DLG2: variants seen among roughly 807,000 people sequenced by gnomAD.
DLG2 encodes disks large homolog 2.
Under a neutral mutation model 132.5 loss-of-function variants are expected in DLG2, and 45 were observed. The ratio of observed to expected loss-of-function variants is 0.34; its 90% CI spans 0.27 to 0.44. DLG2 has a LOEUF of 0.44. Ranked by LOEUF, DLG2 falls within the 20% of genes least tolerant of loss-of-function variation. DLG2 has a pLI of 1.00. For synonymous variants in DLG2, 424 were observed against 419.6 expected, an observed-to-expected ratio of 1.01 and a Z score of -0.13; for missense variants, 1,045 against 1,196.9, an observed-to-expected ratio of 0.87 and a Z score of 1.87.
chr11:83,581,104 A>T (rs2096967613), intron 19 of DLG2, among the ~76,000 whole-genome samples: 1 of 151,650 alleles, frequency 6.6e-6, no homozygotes, highest in African/African-American at 2.4e-5. Flanking sequence ...AAACCTCCAA[A>T]TGAAGAGGGT....
intron 8 of DLG2, among the ~76,000 whole-genome samples, chr11:84,241,053 C>T (rs2097219128): frequency 6.6e-6 from 1 of 152,202 alleles, no homozygotes; most frequent in Non-Finnish European, 1.5e-5. Flanking sequence ...GACCTTTGTA[C>T]TTGCACTTCC....
At chr11:84,447,654 T>C (rs2099039304) in intron 7 of DLG2, among the ~76,000 whole-genome samples, 2 of 152,042 alleles carry the variant, frequency 1.3e-5, no homozygotes, top group Non-Finnish European at 2.9e-5. Context: ...TTTCTTTTTC[T>C]TTTCTAAGTT....
chr11:83,870,923 A>C (rs1375136390), intron 16 of DLG2, among the ~76,000 whole-genome samples: 1 of 152,206 alleles, frequency 6.6e-6, no homozygotes, highest in African/African-American at 2.4e-5. Flanking sequence ...AGGAAATGTC[A>C]TTCTAATAGA....
intron 15 of DLG2, among the ~76,000 whole-genome samples, chr11:83,907,767 A>C (rs1010033254): frequency 6.6e-6 from 1 of 152,160 alleles, no homozygotes; most frequent in African/African-American, 2.4e-5. Flanking sequence ...GTTTATAAGC[A>C]AGCCTGAGTT....
At chr11:84,020,432 G>A (rs1457700940) in intron 11 of DLG2, among the ~76,000 whole-genome samples, 1 of 152,174 alleles carries the variant, frequency 6.6e-6, no homozygotes, top group Non-Finnish European at 1.5e-5. Flanking sequence ...AAATAAAAAT[G>A]AGTCCACTGT....
At chr11:84,079,993 G>A (rs552692151) in intron 10 of DLG2, among the ~76,000 whole-genome samples, 1 of 152,240 alleles carries the variant, frequency 6.6e-6, no homozygotes, top group Non-Finnish European at 1.5e-5. Context: ...GCTAGATTAG[G>A]TCATGCCATT....
chr11:84,401,511 T>C (rs1360043294), intron 7 of DLG2, among the ~76,000 whole-genome samples: 1 of 152,140 alleles, frequency 6.6e-6, no homozygotes, highest in Non-Finnish European at 1.5e-5. Context: ...ATTAAATAAA[T>C]AACTCTCCTT....
At chr11:85,191,166 A>ACG (rs1566987020) in intron 4 of DLG2, among the ~76,000 whole-genome samples, 1 of 122,704 alleles carries the variant, frequency 8.1e-6, no homozygotes, top group East Asian at 3.1e-4. Context: ...ACGCGCGCAC[A>ACG]CACACACACA....
intron 9 of DLG2, among the ~76,000 whole-genome samples, chr11:84,101,877 C>T (rs1224931316): frequency 6.6e-6 from 1 of 152,126 alleles, no homozygotes; most frequent in Admixed American, 6.6e-5. Flanking sequence ...GGAGAGGGTA[C>T]TCAAAACTTT....
intron 6 of DLG2, among the ~76,000 whole-genome samples, chr11:84,708,524 A>T (rs539761100): frequency 2.0e-3 from 298 of 151,848 alleles, no homozygotes; most frequent in African/African-American, 6.9e-3. Context: ...TTTCCTATTT[A>T]TCTACAGCCA....
chr11:83,507,492 T>TAC (rs1181363248), intron 21 of DLG2, among the ~76,000 whole-genome samples: 1 of 146,528 alleles, frequency 6.8e-6, no homozygotes, highest in Non-Finnish European at 1.5e-5. Context: ...TCCATATATA[T>TAC]ACACATATAT....
intron 6 of DLG2, among the ~76,000 whole-genome samples, chr11:84,642,979 A>AT (rs950386592): frequency 2.6e-4 from 40 of 152,168 alleles, no homozygotes; most frequent in Admixed American, 2.6e-3. Context: ...CCTTACCAGT[A>AT]TTTTTTTTCT....
chr11:84,607,640 G>C (rs2099588160), intron 6 of DLG2, among the ~76,000 whole-genome samples: 1 of 151,874 alleles, frequency 6.6e-6, no homozygotes, highest in Non-Finnish European at 1.5e-5. Context: ...CCTACAGTGG[G>C]AAGTGCATGG....
At chr11:84,425,679 C>G (rs2098964116) in intron 7 of DLG2, among the ~76,000 whole-genome samples, 2 of 152,084 alleles carry the variant, frequency 1.3e-5, no homozygotes, top group Non-Finnish European at 2.9e-5. Context: ...ATCCCCTATC[C>G]TTCATAAATT....
intron 6 of DLG2, among the ~76,000 whole-genome samples, chr11:84,591,412 A>T (rs2099543050): frequency 6.6e-6 from 1 of 151,810 alleles, no homozygotes; most frequent in African/African-American, 2.4e-5. Context: ...CATGCCTGTA[A>T]TCCCAGGACT....
chr11:84,548,561 T>C (rs2099395330), intron 6 of DLG2, among the ~76,000 whole-genome samples: 1 of 152,084 alleles, frequency 6.6e-6, no homozygotes, highest in Non-Finnish European at 1.5e-5. Flanking sequence ...GATAGTTTGC[T>C]GAGAATGATG....
intron 4 of DLG2, among the ~76,000 whole-genome samples, chr11:85,277,781 C>G (rs1047648222): frequency 6.6e-6 from 1 of 152,258 alleles, no homozygotes; most frequent in Middle Eastern, 3.4e-3. Flanking sequence ...AAGAAAAAAT[C>G]TATCCATGAT....
At chr11:85,028,681 C>G (rs369696348) in intron 6 of DLG2, among the ~76,000 whole-genome samples, 2 of 152,122 alleles carry the variant, frequency 1.3e-5, no homozygotes, top group African/African-American at 4.8e-5. Flanking sequence ...GAGTGGACAC[C>G]GGGAACAGGG....
intron 6 of DLG2, among the ~76,000 whole-genome samples, chr11:84,652,407 C>A (rs2099683147): frequency 1.3e-5 from 2 of 152,250 alleles, no homozygotes; most frequent in South Asian, 4.2e-4. Flanking sequence ...GTAACGCACA[C>A]CCTTCTGTCT....
Sources: gnomAD v4.1 joint callset for allele counts (sites outside exome capture counted in the v4.1 genomes callset) on GRCh38, gnomAD v4.1.1 for gene constraint, MANE v1.5 for transcripts, NCBI Gene and HGNC (gene_info 2026-07-23, HGNC 2026-07-21) for gene names.